The following DNAAF4 variants were observed in gnomAD, a reference collection of about 807,000 sequenced individuals.
DNAAF4 encodes dynein axonemal assembly factor 4.
A neutral mutation model predicts 51.8 loss-of-function variants in DNAAF4; 43 were observed. The ratio of observed to expected loss-of-function variants is 0.83; its 90% confidence interval spans 0.65 to 1.07. The LOEUF is 1.07. Ranked by LOEUF, DNAAF4 falls within the 50% of genes least tolerant of loss-of-function variation. The pLI, the probability that DNAAF4 is intolerant of heterozygous loss-of-function variation, is 0.00. For synonymous variants in DNAAF4, 194 were observed against 165.6 expected, an observed-to-expected ratio of 1.17 and a Z score of -1.32; for missense variants, 581 against 493.0, an observed-to-expected ratio of 1.18 and a Z score of -1.69.
At chr15:55,472,862 T>C (rs1180973137) in intron 4 of DNAAF4, among the ~76,000 whole-genome samples, 2 of 152,000 alleles carry the variant, frequency 1.3e-5, no homozygotes, top group East Asian at 3.9e-4. Flanking sequence ...GCAAAAATTG[T>C]AAATAAAACA....
At chr15:55,418,078 T>C in exon 8 of DNAAF4, 1 of 1,552,054 alleles carries the variant, frequency 6.4e-7, no homozygotes, top group Non-Finnish European at 8.7e-7. Flanking sequence ...AGGGATATGA[T>C]GGCTTAGCTT....
At chr15:55,485,327 T>C (rs1475238445) in intron 4 of DNAAF4, among the ~76,000 whole-genome samples, 1 of 152,146 alleles carries the variant, frequency 6.6e-6, no homozygotes, top group Non-Finnish European at 1.5e-5. Context: ...GTTATTATCA[T>C]AAAATAGAAT....
At chr15:55,440,338 A>G (rs1209343677) in intron 6 of DNAAF4, among the ~76,000 whole-genome samples, 1 of 145,630 alleles carries the variant, frequency 6.9e-6, no homozygotes, top group Non-Finnish European at 1.5e-5. Context: ...GGCGTGAGCC[A>G]CCACGCCTGG....
chr15:55,495,660 A>C (rs547365686), intron 3 of DNAAF4, among the ~76,000 whole-genome samples: 1 of 152,186 alleles, frequency 6.6e-6, no homozygotes, highest in Non-Finnish European at 1.5e-5. Context: ...GCTGGAACCT[A>C]GGAGTTTGAG....
chr15:55,466,869 A>G, intron 5 of DNAAF4, 61 bp downstream of exon 5: 1 of 1,556,292 alleles, frequency 6.4e-7, no homozygotes, highest in Non-Finnish European at 8.6e-7. Flanking sequence ...CAAAAAAAGA[A>G]AAGCGTCATA....
intron 6 of DNAAF4, among the ~76,000 whole-genome samples, chr15:55,449,207 C>G (rs1303522257): frequency 2.7e-5 from 4 of 148,530 alleles, no homozygotes; most frequent in Non-Finnish European, 5.9e-5. Context: ...CCAGGCTGGT[C>G]TCAAACTCCT....
At chr15:55,425,654 T>C (rs898075530), downstream of DNAAF4, among the ~76,000 whole-genome samples, 10 of 152,274 alleles carry the variant, frequency 6.6e-5, no homozygotes, top group African/African-American at 2.2e-4. Context: ...TAGGTTTATA[T>C]AACACTAAAC....
At chr15:55,446,248 C>T (rs2057807344) in intron 6 of DNAAF4, among the ~76,000 whole-genome samples, 1 of 135,570 alleles carries the variant, frequency 7.4e-6, no homozygotes, top group Admixed American at 7.5e-5. Flanking sequence ...AGGCGCTCCT[C>T]ACCTCCTAGA....
At chr15:55,465,491 C>G (rs1220628904) in intron 5 of DNAAF4, among the ~76,000 whole-genome samples, 1 of 151,406 alleles carries the variant, frequency 6.6e-6, no homozygotes, top group Admixed American at 6.6e-5. Context: ...TCTCGGCAAC[C>G]TGGATGGAGT....
rs749119169 is a variant in DNAAF4, at chr15:55,430,705, G to C, written c.1228C>G (p.Arg410Gly). 6 of 1,612,826 alleles carry C rather than the reference G, an allele frequency of 3.7e-6. No homozygotes were observed. The highest frequency in any genetic ancestry group is 1.1e-5 in the South Asian group (1 of 91,002). ...KIVQIDAEKI[R>G]NVIQGTELKS ...AGTTCTGTTCCTTGAATTACATTCC[G>C]AATCTTCTCAGCATCAATTTGTACA... The change falls in exon 10 of 10, where the codon CGG (arginine) becomes GGG (glycine). Residue 410 changes from arginine (R) to glycine (G), a missense_variant. Transcript: ENST00000321149.
chr15:55,440,442 G>A (rs970964183), intron 6 of DNAAF4, among the ~76,000 whole-genome samples: 13 of 151,278 alleles, frequency 8.6e-5, no homozygotes, highest in East Asian at 2.0e-4. Flanking sequence ...GCAGTGGTGC[G>A]ATCTCGGCTC....
rs960957625 is a variant in DNAAF4 at position 55,467,196 on chromosome 15, A to G, written c.406-35T>C. ...TTGCAATTACCAAATTCTTTAAAAT[A>G]CATAAAAGCAACATTTATTTAAATG... On this transcript the variant is annotated intron_variant, in intron 4 of 9. Transcript: ENST00000321149. 2.8e-6 allele frequency: 4 copies of G among 1,421,530 alleles called. No homozygotes were observed. In the African/African-American group the frequency reaches 4.4e-5, roughly 16 times the overall value. 88.1% of individuals were successfully genotyped at this position (1,421,530 alleles called of 1,614,324 possible).
intron 3 of DNAAF4, among the ~76,000 whole-genome samples, chr15:55,496,672 G>T (rs773682739): frequency 6.6e-6 from 1 of 152,054 alleles, no homozygotes; most frequent in Admixed American, 6.6e-5. Flanking sequence ...CTCTAACTTT[G>T]ACTAATTCAG....
Position 55,497,716 on chromosome 15 carries a change from C to T in DNAAF4, c.267G>A (p.Thr89=). The change falls in exon 3 of 10, where the codon ACG becomes ACA. Residue 89 remains threonine (T), a synonymous_variant. Coordinates refer to ENST00000321149, the MANE Select transcript of DNAAF4 (RefSeq NM_130810.4). ...EAAMWETLSV[T]GVDKEMMQRI... is the part of the protein sequence containing the mutation. ...ATCTTTTAATAAAGAACTTACCACCCGTCACAGAAAGGGTCTCCCACATGG... is the reference window on the plus strand; with the variant it reads ...ATCTTTTAATAAAGAACTTACCACCTGTCACAGAAAGGGTCTCCCACATGG... 4.4e-6 allele frequency: 7 copies of T among 1,602,902 alleles called. No homozygotes were observed. The highest frequency in any genetic ancestry group is 6.0e-6 in the Non-Finnish European group (7 of 1,176,428).
intron 7 of DNAAF4, among the ~76,000 whole-genome samples, chr15:55,438,214 G>C (rs1389308339): frequency 6.6e-6 from 1 of 151,846 alleles, no homozygotes; most frequent in African/African-American, 2.4e-5. Flanking sequence ...AGTTGGGCGT[G>C]GTGGCAGGCG....
intron 4 of DNAAF4, among the ~76,000 whole-genome samples, chr15:55,473,801 G>A (rs1000134626): frequency 2.6e-5 from 4 of 152,000 alleles, no homozygotes; most frequent in Non-Finnish European, 5.9e-5. Context: ...GACCAGCCTG[G>A]CCAACATGGC....
At chr15:55,419,735 A>G (rs112438691) in intron 7 of DNAAF4, among the ~76,000 whole-genome samples, 27,059 of 152,112 alleles carry the variant, frequency 0.18, 4,153 homozygotes, top group African/African-American at 0.42. Context: ...GGTGGCTCAC[A>G]CCTGTAATCC....
At chr15:55,432,681 C>T in intron 8 of DNAAF4, 79 bp from the exon 9 acceptor site, 1 of 1,314,240 alleles carries the variant, frequency 7.6e-7, no homozygotes. Context: ...CATGGTGGCT[C>T]ACGCCTGTAA....
Position 55,445,295 on chromosome 15 carries a change from C to T in DNAAF4, c.783+4927G>A, listed in dbSNP as rs889967023. On this transcript the variant is annotated intron_variant, in intron 6 of 9. Transcript: ENST00000321149. The stretch of plus-strand genomic sequence containing the variant: ...CTGTTTAACAAAGCACATCTTGCAC[C>T]GCCCTTAATCCATTTAACCCTGAGT... Among the ~76,000 whole-genome samples, 10 of 152,048 alleles carry T rather than the reference C, an allele frequency of 6.6e-5. No homozygotes were observed. In the South Asian group the frequency reaches 1.0e-3, roughly 16 times the overall value.
Sources: gnomAD v4.1 joint callset for allele counts (sites outside exome capture counted in the v4.1 genomes callset) on GRCh38, gnomAD v4.1.1 for gene constraint, MANE v1.5 for transcripts, NCBI Gene and HGNC (gene_info 2026-07-23, HGNC 2026-07-21) for gene names.